The following TMEM260 variants were observed in gnomAD, a reference collection of about 807,000 sequenced individuals.
TMEM260 encodes the protein transmembrane protein 260, also known as protein O-mannosyl-transferase TMEM260.
In TMEM260, 82 loss-of-function variants were observed where a neutral mutation model predicts 88.9. The ratio of observed to expected loss-of-function variants is 0.92; its 90% CI spans 0.77 to 1.11. The LOEUF is 1.11. Among genes scored for constraint, TMEM260 ranks in the 50% least tolerant of loss-of-function variants. TMEM260 has a pLI of 0.00. For missense variants in TMEM260, 902 were observed against 853.4 expected (o/e 1.06, Z -0.71); for synonymous variants, 314 against 309.3 (o/e 1.02, Z -0.16).
At chr14:56,605,532 A>G in intron 4 of TMEM260, 38 bp from the exon 5 acceptor site, 1 of 1,206,438 alleles carries the variant, frequency 8.3e-7, no homozygotes, top group Non-Finnish European at 1.2e-6. Context: ...GTTTTAGGTG[A>G]ATTTTTTACT....
rs532769609 is a variant in TMEM260, at chr14:56,626,211, T to C, written c.1547+681T>C. ...TGTCTTTGTAAATCCCAAAGTTAAA[T>C]TATCCCTTGCTAAGAACATAATAAT... On this transcript the variant is annotated intron_variant, in intron 12 of 15. Coordinates refer to ENST00000261556, the MANE Select transcript of TMEM260 (RefSeq NM_017799.4). 2.0e-5 allele frequency among the ~76,000 whole-genome samples: 3 copies of C among 152,338 alleles called. No individual in the cohort carries two copies. In the South Asian group the frequency reaches 6.2e-4, roughly 32 times the overall value.
In TMEM260 at chr14:56,648,964, A is replaced by G. The variant is rs1224834324; in HGVS notation, c.*1467A>G. On this transcript the variant is annotated 3_prime_UTR_variant, in exon 16 of 16. Coordinates refer to ENST00000261556, the MANE Select transcript of TMEM260 (RefSeq NM_017799.4). ...TAAATCTCAAAGGGGGAAAAGCTGA[A>G]GTTTCATTACCTGATCCATGGGGCT... The G allele has an allele frequency of 6.6e-6, 1 of 152,628 alleles. No individual in the cohort carries two copies. Among genetic ancestry groups the G allele is most frequent in the Non-Finnish European group, 1.5e-5 (1 of 68,058 alleles). 9.5% of individuals were successfully genotyped at this position (152,628 alleles called of 1,614,324 possible). A position where few individuals can be genotyped will look rare whatever the true frequency, so the allele number is the denominator to read the frequency against.
At chr14:56,624,626 A>G (rs769073222) in intron 11 of TMEM260, among the ~76,000 whole-genome samples, 2 of 152,164 alleles carry the variant, frequency 1.3e-5, no homozygotes, top group Non-Finnish European at 2.9e-5. Flanking sequence ...AGGTGCAGAT[A>G]CACAGAGATG....
At chr14:56,604,856 A>AAT (rs1886798948) in intron 4 of TMEM260, among the ~76,000 whole-genome samples, 2 of 152,206 alleles carry the variant, frequency 1.3e-5, no homozygotes, top group Non-Finnish European at 2.9e-5. Context: ...ATGGAAAATT[A>AAT]CTGAGAGGAA....
At chr14:56,584,026 G>GTGTT in intron 1 of TMEM260, among the ~76,000 whole-genome samples, 1 of 140,452 alleles carries the variant, frequency 7.1e-6, no homozygotes, top group South Asian at 2.3e-4. Flanking sequence ...GTGTGTGTGT[G>GTGTT]TATGTGTTTA....
At chr14:56,654,760 G>A (rs910647830), downstream of TMEM260, among the ~76,000 whole-genome samples, 5 of 132,782 alleles carry the variant, frequency 3.8e-5, no homozygotes, top group African/African-American at 1.5e-4. Context: ...GTTGCAGTGA[G>A]CCAAGATCGC....
chr14:56,599,715 AAAACAAAAAC>A (rs1886453716), intron 3 of TMEM260, among the ~76,000 whole-genome samples: 1 of 152,178 alleles, frequency 6.6e-6, no homozygotes, highest in Non-Finnish European at 1.5e-5. Flanking sequence ...GTGTGAAGGG[AAAACAAAAAC>A]AAACAACCTC....
intron 15 of TMEM260, among the ~76,000 whole-genome samples, chr14:56,637,408 C>T (rs923350926): frequency 9.9e-5 from 15 of 152,170 alleles, no homozygotes; most frequent in South Asian, 4.1e-4. Context: ...AACTAACCTT[C>T]GGAAGACACA....
At chr14:56,629,818 T>C (rs1195891254) in intron 12 of TMEM260, among the ~76,000 whole-genome samples, 1 of 152,158 alleles carries the variant, frequency 6.6e-6, no homozygotes, top group Non-Finnish European at 1.5e-5. Flanking sequence ...CAGGATTGCT[T>C]GAGCCCAGGA....
At chr14:56,582,777 C>G (rs12891251) in intron 1 of TMEM260, among the ~76,000 whole-genome samples, 41,376 of 152,072 alleles carry the variant, frequency 0.27, 6,612 homozygotes, top group Non-Finnish European at 0.37. Flanking sequence ...GGTTTTTTTA[C>G]TATTCCCTTC....
chr14:56,607,924 A>C (rs1180264637), intron 5 of TMEM260, among the ~76,000 whole-genome samples: 1 of 152,204 alleles, frequency 6.6e-6, no homozygotes, highest in Non-Finnish European at 1.5e-5. Context: ...ACAAAAGGAA[A>C]ATTCTGCAGC....
intron 6 of TMEM260, among the ~76,000 whole-genome samples, chr14:56,611,929 AT>A (rs1389591298): frequency 6.6e-6 from 1 of 152,194 alleles, no homozygotes; most frequent in African/African-American, 2.4e-5. Context: ...ACATGTTCTC[AT>A]TTATAAGTGG....
intron 3 of TMEM260, among the ~76,000 whole-genome samples, chr14:56,589,093 A>G (rs537612607): frequency 8.5e-5 from 13 of 152,238 alleles, no homozygotes; most frequent in African/African-American, 3.1e-4. Context: ...TACTGAATAA[A>G]GAAGGAGTAC....
downstream of TMEM260, among the ~76,000 whole-genome samples, chr14:56,654,631 G>GT (rs1187316860): frequency 4.6e-5 from 7 of 151,652 alleles, no homozygotes; most frequent in South Asian, 2.1e-4. Context: ...CCAGCCTGAG[G>GT]TGGTGAAACC....
At chr14:56,585,670 GC>G in intron 2 of TMEM260, 90 bp from the exon 3 acceptor site, 1 of 1,261,382 alleles carries the variant, frequency 7.9e-7, no homozygotes. Context: ...CTTTATAGCT[GC>G]TTGAGAAAAG....
At chr14:56,584,877 C>G (rs1008256259) in intron 1 of TMEM260, 124 bp from the exon 2 acceptor site, 3 of 714,032 alleles carry the variant, frequency 4.2e-6, no homozygotes, top group Non-Finnish European at 4.8e-6. Context: ...TAAATCTCTA[C>G]AGATTTACAG....
intron 15 of TMEM260, among the ~76,000 whole-genome samples, chr14:56,644,354 T>C (rs1160433639): frequency 7.2e-5 from 11 of 152,070 alleles, no homozygotes; most frequent in Admixed American, 7.2e-4. Context: ...ATGCCACATA[T>C]CTACAAATAT....
chr14:56,605,608 A>T lies in TMEM260; in HGVS notation c.561A>T (p.Leu187Phe), dbSNP rs749724466. The change falls in exon 5 of 16, where the codon TTA becomes TTT. Residue 187 changes from leucine to phenylalanine, a missense_variant. Physicochemically the swap from Leu to Phe is conservative, Grantham distance 22. Coordinates refer to ENST00000261556, the MANE Select transcript of TMEM260 (RefSeq NM_017799.4). ...GTGCTTTCTGCTGTGGCCTTAGTTTATGTAACCAGCACACAATAATACTCT... is the reference window on the plus strand; with the variant it reads ...GTGCTTTCTGCTGTGGCCTTAGTTTTTGTAACCAGCACACAATAATACTCT... ...KIGAFCCGLS[L>F]CNQHTIILYV... 5.1e-6 allele frequency: 8 copies of T among 1,581,932 alleles called. No homozygotes were observed. The highest frequency in any genetic ancestry group is 2.3e-5 in the East Asian group (1 of 44,016).
At chr14:56,643,764 C>T (rs966058399) in intron 15 of TMEM260, among the ~76,000 whole-genome samples, 6 of 152,196 alleles carry the variant, frequency 3.9e-5, no homozygotes, top group Non-Finnish European at 5.9e-5. Context: ...GAAAACCCCA[C>T]TGTCTCAGCC....
Sources: allele counts gnomAD v4.1 joint callset (sites outside exome capture counted in the v4.1 genomes callset), GRCh38; gene constraint gnomAD v4.1.1; transcripts MANE v1.5; gene names NCBI Gene and HGNC (gene_info 2026-07-23, HGNC 2026-07-21).